PIK3R3: variants seen among roughly 807,000 people sequenced by gnomAD.
PIK3R3 encodes phosphatidylinositol 3-kinase regulatory subunit gamma.
Under a neutral mutation model 62.9 loss-of-function variants are expected in PIK3R3, and 64 were observed. The ratio of observed to expected loss-of-function variants is 1.02; its 90% CI spans 0.83 to 1.25. The LOEUF (loss-of-function observed/expected upper bound fraction) is 1.25, where lower values mean the gene tolerates loss of function less well. Among genes scored for constraint, PIK3R3 ranks in the 50% most tolerant of loss-of-function variants. The pLI is 0.00. For synonymous variants in PIK3R3, 165 were observed against 189.0 expected (o/e 0.87, Z 1.04); for missense variants, 614 against 561.6 (o/e 1.09, Z -0.94).
the PIK3R3 span, among the ~76,000 whole-genome samples, chr1:46,138,343 C>G: frequency 1.3e-5 from 2 of 152,122 alleles, no homozygotes; most frequent in East Asian, 3.8e-4. Flanking sequence ...AGTCCAGTTC[C>G]CTTATTGGAT....
At chr1:46,136,670 T>TTG (rs1472820862), upstream of PIK3R3, among the ~76,000 whole-genome samples, 1 of 152,164 alleles carries the variant, frequency 6.6e-6, no homozygotes, top group African/African-American at 2.4e-5. Flanking sequence ...GAGGCCTCAC[T>TTG]TATACACCTC....
At chr1:46,105,833 A>G (rs1653152806) in intron 1 of PIK3R3, among the ~76,000 whole-genome samples, 1 of 152,144 alleles carries the variant, frequency 6.6e-6, no homozygotes, top group South Asian at 2.1e-4. Context: ...CAAAAGAGCA[A>G]AACTCCGCCT....
the PIK3R3 span, among the ~76,000 whole-genome samples, chr1:46,147,960 A>T: frequency 9.2e-5 from 14 of 152,192 alleles, no homozygotes; most frequent in African/African-American, 3.4e-4. Context: ...TTTTAAGCTG[A>T]CTTCTAAATT....
intron 1 of PIK3R3, among the ~76,000 whole-genome samples, chr1:46,120,985 A>G (rs1347911725): frequency 6.6e-6 from 1 of 152,208 alleles, no homozygotes; most frequent in Non-Finnish European, 1.5e-5. Context: ...ATTTATGGAT[A>G]TGATATGATG....
chr1:46,051,936 G>T (rs1382602336), intron 7 of PIK3R3, among the ~76,000 whole-genome samples: 1 of 152,082 alleles, frequency 6.6e-6, no homozygotes, highest in Non-Finnish European at 1.5e-5. Context: ...AGGAGATTGA[G>T]ACCATCCTGG....
chr1:46,142,873 G>A, the PIK3R3 span, among the ~76,000 whole-genome samples: 106 of 152,292 alleles, frequency 7.0e-4, 1 homozygote, highest in East Asian at 0.018. Flanking sequence ...GGAGTTTTAA[G>A]CAGAGGAGTG....
intron 1 of PIK3R3, among the ~76,000 whole-genome samples, chr1:46,089,497 C>T (rs1162384182): frequency 6.6e-6 from 1 of 151,972 alleles, no homozygotes; most frequent in Admixed American, 6.6e-5. Context: ...GGGCGGATCA[C>T]GAGGTCAGGA....
chr1:46,163,326 A>G, the PIK3R3 span, among the ~76,000 whole-genome samples: 2 of 152,208 alleles, frequency 1.3e-5, no homozygotes, highest in East Asian at 1.9e-4. Context: ...TGAATAGACA[A>G]CTGGGTTTCC....
chr1:46,042,332 CA>C lies in PIK3R3; in HGVS notation c.*1340del, dbSNP rs1394534798. 2.6e-5 allele frequency: 6 copies of C among 227,414 alleles called. No homozygotes were observed. The highest frequency in any genetic ancestry group is 1.3e-4 in the East Asian group (2 of 15,870). The allele number at this position is 227,414 out of a possible 1,614,324, so 14.1% of individuals were successfully genotyped here. A position where few individuals can be genotyped will look rare whatever the true frequency, so the allele number is the denominator to read the frequency against. On this transcript the variant is annotated 3_prime_UTR_variant, in exon 10 of 10. Coordinates refer to ENST00000262741, the MANE Select transcript of PIK3R3 (RefSeq NM_003629.4). This position sits in a 1 kb window ranked among gnomAD's most constrained non-coding sequence, Gnocchi z 4.3. The stretch of plus-strand genomic sequence containing the variant: ...GCACATAGCCTTAATGGCAGGATCA[CA>C]AAAAAAGGCAAAGAGAAAAGCTTCC...
chr1:46,135,500 A>T (rs1002648789), upstream of PIK3R3, among the ~76,000 whole-genome samples: 1 of 152,072 alleles, frequency 6.6e-6, no homozygotes, highest in African/African-American at 2.4e-5. Context: ...CTTTTCTGTA[A>T]CTCCAAATGG....
intron 1 of PIK3R3, among the ~76,000 whole-genome samples, chr1:46,102,170 A>G (rs1266126054): frequency 6.6e-6 from 1 of 151,702 alleles, no homozygotes; most frequent in Non-Finnish European, 1.5e-5. Context: ...TATTTTTAGT[A>G]GAGACGGGGT....
At chr1:46,102,575 T>C (rs907458405) in intron 1 of PIK3R3, among the ~76,000 whole-genome samples, 1 of 151,918 alleles carries the variant, frequency 6.6e-6, no homozygotes, top group African/African-American at 2.4e-5. Context: ...AAATGTTTGG[T>C]AGAACTCATT....
At chr1:46,091,670 G>A (rs989530530) in intron 1 of PIK3R3, among the ~76,000 whole-genome samples, 1 of 152,142 alleles carries the variant, frequency 6.6e-6, no homozygotes, top group Non-Finnish European at 1.5e-5. Context: ...TAGCTTTAGT[G>A]CAACGAGCAA....
Position 46,132,464 on chromosome 1 carries a change from C to A in PIK3R3, c.-512G>T. On this transcript the variant is annotated 5_prime_UTR_variant, in exon 1 of 10. Coordinates refer to ENST00000262741, the MANE Select transcript of PIK3R3 (RefSeq NM_003629.4). The stretch of plus-strand genomic sequence containing the variant: ...ACTGGTCTGCAGAGAGCGAATCCCC[C>A]AGAGGCCGGGACTCGGGCTCCTCTC... The A allele has an allele frequency of 8.4e-7, 1 of 1,196,624 alleles. No individual in the cohort carries two copies. The highest frequency in any genetic ancestry group is 3.4e-5 in the Admixed American group (1 of 29,154). 74.1% of individuals were successfully genotyped at this position (1,196,624 alleles called of 1,614,324 possible). A position where few individuals can be genotyped will look rare whatever the true frequency, so the allele number is the denominator to read the frequency against.
intron 1 of PIK3R3, among the ~76,000 whole-genome samples, chr1:46,125,587 TA>T (rs950976264): frequency 2.6e-5 from 4 of 152,204 alleles, no homozygotes; most frequent in Non-Finnish European, 4.4e-5. Flanking sequence ...AAATGTTACT[TA>T]ATCTAAATTG....
chr1:46,106,350 C>T (rs1474077713), intron 1 of PIK3R3, among the ~76,000 whole-genome samples: 2 of 152,078 alleles, frequency 1.3e-5, no homozygotes, highest in African/African-American at 4.8e-5. Context: ...AGTGGATAGA[C>T]CCACCTTGGC....
the PIK3R3 span, among the ~76,000 whole-genome samples, chr1:46,152,753 TG>T: frequency 6.6e-6 from 1 of 151,998 alleles, no homozygotes; most frequent in Admixed American, 6.6e-5. Flanking sequence ...TTAGTGGAGA[TG>T]GGGTTTCACC....
intron 1 of PIK3R3, among the ~76,000 whole-genome samples, chr1:46,092,354 CTGTTTTGTTT>C (rs556939504): frequency 3.9e-5 from 6 of 152,124 alleles, no homozygotes; most frequent in East Asian, 1.9e-4. Context: ...TCCTTGACTT[CTGTTTTGTTT>C]TGTTTTGTTT....
At chr1:46,122,030 T>C (rs2149469013) in intron 1 of PIK3R3, among the ~76,000 whole-genome samples, 1 of 151,828 alleles carries the variant, frequency 6.6e-6, no homozygotes, top group East Asian at 1.9e-4. Flanking sequence ...TAACTTGTGA[T>C]CATGCCAATG....
Sources: gnomAD v4.1 joint callset for allele counts (sites outside exome capture counted in the v4.1 genomes callset) on GRCh38, gnomAD v4.1.1 for gene constraint, Gnocchi (gnomAD v3.1) non-coding constraint, MANE v1.5 for transcripts, NCBI Gene and HGNC (gene_info 2026-07-23, HGNC 2026-07-21) for gene names.